The following NFU1 variants were observed in gnomAD, a reference collection of about 807,000 sequenced individuals.
NFU1 encodes NFU1 iron-sulfur cluster scaffold, also known as NFU1 iron-sulfur cluster scaffold homolog, mitochondrial.
NFU1 carries 30 observed loss-of-function variants against 32.2 expected under a neutral mutation model. The ratio of observed to expected loss-of-function variants is 0.93; its 90% confidence interval spans 0.70 to 1.26. The LOEUF is 1.26. NFU1 is among the 50% of genes most tolerant of loss of function. The pLI is 0.00. For missense variants in NFU1, 306 were observed against 306.6 expected (o/e 1.00, Z 0.02); for synonymous variants, 112 against 104.6 (o/e 1.07, Z -0.43).
In NFU1 at chr2:69,404,615, A is replaced by ATTTTTTTTTTTTTTTTTTTTTTTTTTTT. The variant is rs534309730; in HGVS notation, c.545+1406_545+1407insAAAAAAAAAAAAAAAAAAAAAAAAAAAA. Among the ~76,000 whole-genome samples the ATTTTTTTTTTTTTTTTTTTTTTTTTTTT allele has an allele frequency of 4.7e-4, 34 of 73,008 alleles. 6 individuals carry two copies. The highest frequency in any genetic ancestry group is 1.2e-3 in the African/African-American group (19 of 15,930). 47.9% of individuals were successfully genotyped at this position (73,008 alleles called of 152,430 possible). ...CACTTAATAACTACTATCTTAGCAA[A>ATTTTTTTTTTTTTTTTTTTTTTTTTTTT]TTTTTTTTTTTTTTTTTTTTTTTGA... On this transcript the variant is annotated intron_variant, in intron 6 of 7. Transcript: ENST00000410022.
At chr2:69,436,268 C>G (rs2104824997) in intron 1 of NFU1, among the ~76,000 whole-genome samples, 1 of 152,236 alleles carries the variant, frequency 6.6e-6, no homozygotes, top group Middle Eastern at 3.4e-3. Flanking sequence ...AGTGCCAGGC[C>G]ATGCAGTAAG....
intron 1 of NFU1, 45 bp downstream of exon 1, chr2:69,437,316 A>G (rs1449645068): frequency 1.3e-6 from 2 of 1,583,508 alleles, no homozygotes; most frequent in African/African-American, 2.7e-5. Flanking sequence ...TCCGCTGGCT[A>G]AGCCCAGCGG....
Position 69,400,435 on chromosome 2 carries a change from T to C in NFU1, c.649A>G (p.Ile217Val), listed in dbSNP as rs1431976985. ...TGAATTCCATTTTTCAGAGTAATGA[T>C]TGAACTAGGGCAGCTGGTACAAGAA... ...QGSCTSCPSS[I>V]ITLKNGIQNM... The change falls in exon 7 of 8, where the codon ATC becomes GTC. Residue 217 changes from isoleucine to valine, a missense_variant. By Grantham distance (29) the Ile-to-Val change is conservative. Transcript: ENST00000410022. 9 of 1,614,044 alleles carry C rather than the reference T, an allele frequency of 5.6e-6. No homozygotes were observed. The highest frequency in any genetic ancestry group is 1.7e-5 in the Admixed American group (1 of 59,992).
At chr2:69,416,001 A>T (rs914106616) in intron 4 of NFU1, among the ~76,000 whole-genome samples, 1 of 151,938 alleles carries the variant, frequency 6.6e-6, no homozygotes, top group Non-Finnish European at 1.5e-5. Context: ...AGGAAGAAAG[A>T]AAAAAGAGAA....
chr2:69,410,672 C>T (rs970928353), intron 5 of NFU1: 8 of 152,040 alleles, frequency 5.3e-5, no homozygotes, highest in Admixed American at 2.6e-4. Flanking sequence ...GCTTACTAAA[C>T]AAAAGAAGAA....
At position 69,396,194 on chromosome 2, in the gene NFU1, T is replaced by C. The variant is rs1672324813; in HGVS notation, c.*52A>G. On this transcript the variant is annotated 3_prime_UTR_variant, in exon 8 of 8. Transcript: ENST00000410022. ...CAGCATATTAATAATAAAAACTTGA[T>C]ATATATTATCAACAAGTCTGACTGT... is the stretch of plus-strand genomic sequence containing the variant. The C allele has an allele frequency of 1.4e-6, 2 of 1,385,392 alleles. No individual in the cohort carries two copies. The highest frequency in any genetic ancestry group is 2.0e-6 in the Non-Finnish European group (2 of 978,606). The allele number at this position is 1,385,392 out of a possible 1,614,324, so 85.8% of individuals were successfully genotyped here. A position where few individuals can be genotyped will look rare whatever the true frequency, so the allele number is the denominator to read the frequency against.
chr2:69,399,615 C>T (rs75187810), intron 7 of NFU1, among the ~76,000 whole-genome samples: 1 of 52,334 alleles, frequency 1.9e-5, no homozygotes, highest in Admixed American at 2.1e-4. Context: ...CCCGTCTCTA[C>T]AAAAAAAAAA....
At chr2:69,413,644 A>C (rs1038150765) in intron 5 of NFU1, among the ~76,000 whole-genome samples, 1 of 152,160 alleles carries the variant, frequency 6.6e-6, no homozygotes, top group Non-Finnish European at 1.5e-5. Context: ...CTGTAATCCC[A>C]GCCACTCGGG....
upstream of NFU1, among the ~76,000 whole-genome samples, chr2:69,438,906 A>AC (rs1442812502): frequency 9.1e-3 from 280 of 30,626 alleles, 1 homozygote; most frequent in African/African-American, 0.013. Flanking sequence ...CCCCCCACCC[A>AC]CCCCCCCACA....
chr2:69,396,639 C>T (rs779317263), intron 7 of NFU1, among the ~76,000 whole-genome samples: 5 of 151,230 alleles, frequency 3.3e-5, no homozygotes, highest in East Asian at 1.9e-4. Flanking sequence ...GGCAACACAG[C>T]GAGACTCTGT....
chr2:69,403,429 C>G (rs1462494708), intron 6 of NFU1, among the ~76,000 whole-genome samples: 1 of 151,074 alleles, frequency 6.6e-6, no homozygotes, highest in East Asian at 1.9e-4. Context: ...CTTGTTCTAT[C>G]TCCTTGACCA....
intron 3 of NFU1, 21 bp downstream of exon 3, chr2:69,423,561 C>G (rs542696080): frequency 1.2e-6 from 2 of 1,605,434 alleles, no homozygotes; most frequent in African/African-American, 1.3e-5. Context: ...TTGGTAAAAG[C>G]AAATGAAAAC....
chr2:69,419,214 C>CG (rs56187913), intron 4 of NFU1, among the ~76,000 whole-genome samples: 7,757 of 146,118 alleles, frequency 0.053, 276 homozygotes, highest in Non-Finnish European at 0.077. Context: ...CTCAGGGTGG[C>CG]GGGGGGGGGC....
intron 2 of NFU1, among the ~76,000 whole-genome samples, chr2:69,425,975 T>C (rs959793058): frequency 6.6e-6 from 1 of 152,050 alleles, no homozygotes; most frequent in African/African-American, 2.4e-5. Context: ...TTAAAAGATA[T>C]CTATTTTGTT....
intron 5 of NFU1, among the ~76,000 whole-genome samples, chr2:69,407,070 C>T (rs1207676288): frequency 6.6e-6 from 1 of 152,140 alleles, no homozygotes; most frequent in African/African-American, 2.4e-5. Context: ...CTATGCTGAA[C>T]TGTGAGTCAA....
chr2:69,424,636 T>C (rs1264778627), intron 2 of NFU1, among the ~76,000 whole-genome samples: 2 of 152,018 alleles, frequency 1.3e-5, no homozygotes, highest in African/African-American at 2.4e-5. Flanking sequence ...ATTCCAGAAA[T>C]AGTAAACACT....
At chr2:69,437,161 G>A in intron 1 of NFU1, 200 bp downstream of exon 1, 6 of 1,208,798 alleles carry the variant, frequency 5.0e-6, no homozygotes, top group Middle Eastern at 2.2e-4. Context: ...CAGAGAGTCC[G>A]CCCGGATTAG....
intron 2 of NFU1, 100 bp from the exon 3 acceptor site, chr2:69,423,817 A>C (rs1053813891): frequency 1.1e-6 from 1 of 878,450 alleles, no homozygotes; most frequent in Non-Finnish European, 1.8e-6. Flanking sequence ...GAAGTAAGAA[A>C]AACTGGGGAA....
rs1256544427 is a variant in NFU1 at position 69,437,431 on chromosome 2, G to A, written c.-9C>T. 6.2e-7 allele frequency: 1 copy of A among 1,610,282 alleles called. No individual in the cohort carries two copies. On this transcript the variant is annotated 5_prime_UTR_variant, in exon 1 of 8. Transcript: ENST00000410022. ...CTGGCCGTCGCCGCCATCTTAGTCCGGAGTGCCTAAGGGTCTCCCTGACAG... is the reference window on the plus strand; with the variant it reads ...CTGGCCGTCGCCGCCATCTTAGTCCAGAGTGCCTAAGGGTCTCCCTGACAG...
Sources: allele counts gnomAD v4.1 joint callset (sites outside exome capture counted in the v4.1 genomes callset), GRCh38; gene constraint gnomAD v4.1.1; transcripts MANE v1.5; gene names NCBI Gene and HGNC (gene_info 2026-07-23, HGNC 2026-07-21).